The following CHSY3 variants were observed in gnomAD, a reference collection of about 807,000 sequenced individuals.
The protein encoded by CHSY3 is N-acetylgalactosaminyl-proteoglycan 3-beta-glucuronosyltransferase 3.
CHSY3 carries 35 observed loss-of-function variants against 67.2 expected under a neutral mutation model. The ratio of observed to expected loss-of-function variants is 0.52; its 90% CI spans 0.40 to 0.69. CHSY3 has a LOEUF of 0.69. Ranked by LOEUF, CHSY3 falls within the 30% of genes least tolerant of loss-of-function variation. CHSY3 has a pLI of 0.00. For synonymous variants in CHSY3, 474 were observed against 434.7 expected (o/e 1.09, Z -1.12); for missense variants, 1,069 against 1,138.5 (o/e 0.94, Z 0.88).
At chr5:130,078,955 T>A (rs774599950) in intron 2 of CHSY3, among the ~76,000 whole-genome samples, 16 of 152,162 alleles carry the variant, frequency 1.1e-4, no homozygotes, top group Non-Finnish European at 2.2e-4. Context: ...TTGCTCAATA[T>A]GCTATAGTCG....
intron 2 of CHSY3, among the ~76,000 whole-genome samples, chr5:130,165,157 A>G (rs1769705603): frequency 6.6e-6 from 1 of 152,178 alleles, no homozygotes; most frequent in Admixed American, 6.6e-5. Context: ...CGTCTTGGAA[A>G]GATGCCTCAT....
intron 2 of CHSY3, among the ~76,000 whole-genome samples, chr5:130,134,322 T>C (rs1435363544): frequency 6.6e-6 from 1 of 152,224 alleles, no homozygotes; most frequent in African/African-American, 2.4e-5. Context: ...TTTAAAACTT[T>C]AGAAGAGGAG....
At chr5:129,945,184 G>T (rs968670461) in intron 2 of CHSY3, among the ~76,000 whole-genome samples, 3 of 152,204 alleles carry the variant, frequency 2.0e-5, no homozygotes, top group East Asian at 1.9e-4. Flanking sequence ...CATTCTGAAG[G>T]CTTTTGTAAT....
At chr5:130,122,342 A>C (rs1768064593) in intron 2 of CHSY3, among the ~76,000 whole-genome samples, 1 of 152,204 alleles carries the variant, frequency 6.6e-6, no homozygotes, top group Non-Finnish European at 1.5e-5. Context: ...ATATTTGGGC[A>C]AAATAAGAGA....
intron 2 of CHSY3, among the ~76,000 whole-genome samples, chr5:129,927,654 G>A (rs1761161154): frequency 6.6e-6 from 1 of 152,034 alleles, no homozygotes; most frequent in African/African-American, 2.4e-5. Flanking sequence ...TTATTGTATA[G>A]TGGCACATAT....
chr5:129,999,153 A>G (rs1311880100), intron 2 of CHSY3, among the ~76,000 whole-genome samples: 3 of 137,398 alleles, frequency 2.2e-5, no homozygotes, highest in Middle Eastern at 4.0e-3. Context: ...CTGTGTGGCT[A>G]GCTATTTGTC....
chr5:130,128,183 G>T (rs1240890444), intron 2 of CHSY3, among the ~76,000 whole-genome samples: 1 of 150,708 alleles, frequency 6.6e-6, no homozygotes. Context: ...AGATGAACAA[G>T]ATTAAAAAAT....
intron 2 of CHSY3, among the ~76,000 whole-genome samples, chr5:129,990,869 T>G (rs1160342237): frequency 6.6e-6 from 1 of 152,076 alleles, no homozygotes; most frequent in Non-Finnish European, 1.5e-5. Context: ...ACATGATGGT[T>G]GACAAAAGTA....
At position 130,070,915 on chromosome 5, in the gene CHSY3, A is replaced by G. The variant is rs544657744; in HGVS notation, c.1087-113314A>G. Among the ~76,000 whole-genome samples the G allele has an allele frequency of 6.6e-4, 101 of 152,146 alleles. 2 individuals are homozygous for G. The South Asian group carries it at 0.02, about 31-fold the overall frequency. The stretch of plus-strand genomic sequence containing the variant: ...TGATGCTTCAGAAAGATTGGAAGTC[A>G]TTTTTATGTTCCTTTTTATTTGTAG... On this transcript the variant is annotated intron_variant, in intron 2 of 2. Coordinates refer to ENST00000305031, the MANE Select transcript of CHSY3 (RefSeq NM_175856.5).
chr5:130,150,682 T>G (rs568517225), intron 2 of CHSY3, among the ~76,000 whole-genome samples: 1 of 152,302 alleles, frequency 6.6e-6, no homozygotes, highest in Non-Finnish European at 1.5e-5. Flanking sequence ...ATGTTAAGTG[T>G]GCTAACTTAC....
intron 2 of CHSY3, among the ~76,000 whole-genome samples, chr5:130,161,600 CAG>C (rs780670337): frequency 2.0e-5 from 3 of 152,300 alleles, no homozygotes; most frequent in East Asian, 3.9e-4. Flanking sequence ...GCAATTTATT[CAG>C]AGTTTGCTCT....
At chr5:130,183,468 A>AACT (rs1336273474) in intron 2 of CHSY3, among the ~76,000 whole-genome samples, 1 of 152,084 alleles carries the variant, frequency 6.6e-6, no homozygotes, top group Non-Finnish European at 1.5e-5. Context: ...CCTGGCAAAT[A>AACT]ACTTCTTATT....
At chr5:130,028,138 C>T (rs1011542237) in intron 2 of CHSY3, among the ~76,000 whole-genome samples, 1 of 152,088 alleles carries the variant, frequency 6.6e-6, no homozygotes, top group African/African-American at 2.4e-5. Flanking sequence ...CTACCAATGA[C>T]TTTCTTCACA....
chr5:130,178,253 A>ATATATATATATATATATATT (rs1205782386), intron 2 of CHSY3, among the ~76,000 whole-genome samples: 1 of 45,908 alleles, frequency 2.2e-5, no homozygotes, highest in Non-Finnish European at 3.5e-5. Flanking sequence ...ATATATATAT[A>ATATATATATATATATATATT]TTTTTTTTTT....
chr5:130,142,232 G>C (rs1768890762), intron 2 of CHSY3, among the ~76,000 whole-genome samples: 1 of 152,192 alleles, frequency 6.6e-6, no homozygotes, highest in African/African-American at 2.4e-5. Context: ...CAAACTAGCA[G>C]TCAGTATCTA....
intron 2 of CHSY3, among the ~76,000 whole-genome samples, chr5:130,182,482 A>C (rs1253201182): frequency 6.6e-6 from 1 of 152,012 alleles, no homozygotes; most frequent in Non-Finnish European, 1.5e-5. Flanking sequence ...TTAAAGAACA[A>C]GGTTCTTAAC....
At chr5:130,063,369 T>C (rs187401890) in intron 2 of CHSY3, among the ~76,000 whole-genome samples, 1 of 152,146 alleles carries the variant, frequency 6.6e-6, no homozygotes, top group African/African-American at 2.4e-5. Flanking sequence ...GTTCACAAAA[T>C]TGGATGCATT....
intron 2 of CHSY3, among the ~76,000 whole-genome samples, chr5:130,026,848 A>T (rs574346467): frequency 9.2e-5 from 14 of 152,232 alleles, no homozygotes; most frequent in African/African-American, 3.4e-4. Context: ...AAAAATACTG[A>T]CAAGTTTACT....
intron 2 of CHSY3, among the ~76,000 whole-genome samples, chr5:130,033,768 T>A (rs1385356066): frequency 9.2e-6 from 1 of 108,990 alleles, no homozygotes; most frequent in African/African-American, 3.0e-5. Context: ...GTACTTTATA[T>A]TTGCTTTAAA....
Sources: allele counts gnomAD v4.1 joint callset (sites outside exome capture counted in the v4.1 genomes callset), GRCh38; gene constraint gnomAD v4.1.1; transcripts MANE v1.5; gene names NCBI Gene and HGNC (gene_info 2026-07-23, HGNC 2026-07-21).